Variants in PDE4D observed in about 807,000 individuals in gnomAD.
PDE4D encodes phosphodiesterase 4D, also known as 3',5'-cyclic-AMP phosphodiesterase 4D.
Under a neutral mutation model 87.4 loss-of-function variants are expected in PDE4D, and 24 were observed. The observed-to-expected ratio is 0.27, with a 90% CI of 0.20 to 0.39. The LOEUF (loss-of-function observed/expected upper bound fraction) is 0.39, where lower values mean the gene tolerates loss of function less well. Ranked by LOEUF, PDE4D falls within the 10% of genes least tolerant of loss-of-function variation. PDE4D has a pLI of 1.00. For synonymous variants in PDE4D, 384 were observed against 383.2 expected (o/e 1.00, Z -0.02); for missense variants, 714 against 1,041.0 (o/e 0.69, Z 4.32).
At chr5:60,345,352 C>T (rs867847550) in intron 1 of PDE4D, among the ~76,000 whole-genome samples, 5 of 151,724 alleles carry the variant, frequency 3.3e-5, no homozygotes, top group East Asian at 1.9e-4. Context: ...ATGTAAATGA[C>T]GAGTTAATGG....
At chr5:60,319,672 C>T (rs1277394503) in intron 1 of PDE4D, among the ~76,000 whole-genome samples, 1 of 152,098 alleles carries the variant, frequency 6.6e-6, no homozygotes, top group African/African-American at 2.4e-5. Context: ...GTGTGGATGT[C>T]CTTTCTGTTT....
At chr5:59,430,652 C>T in intron 1 of PDE4D, 1 of 315,316 alleles carries the variant, frequency 3.2e-6, no homozygotes. Context: ...TCTAACCAGG[C>T]TCATGCTCTG....
chr5:59,243,223 A>T (rs1191744886), intron 1 of PDE4D, among the ~76,000 whole-genome samples: 1 of 152,188 alleles, frequency 6.6e-6, no homozygotes, highest in East Asian at 1.9e-4. Context: ...AGAGGACTCA[A>T]CTTCTGAATT....
At chr5:59,967,400 C>T (rs1412045643) in intron 3 of PDE4D, among the ~76,000 whole-genome samples, 6 of 151,994 alleles carry the variant, frequency 3.9e-5, no homozygotes, top group Non-Finnish European at 8.8e-5. Flanking sequence ...CTACAGGGAA[C>T]TTAAACAAAT....
intron 1 of PDE4D, among the ~76,000 whole-genome samples, chr5:59,484,675 CACT>C (rs1804803343): frequency 6.6e-6 from 1 of 152,146 alleles, no homozygotes; most frequent in Non-Finnish European, 1.5e-5. Context: ...ATTTTAATCT[CACT>C]ACATTTAATT....
At chr5:58,989,956 T>G (rs779358526) in intron 9 of PDE4D, 37 bp from the exon 10 acceptor site, 1 of 1,341,972 alleles carries the variant, frequency 7.5e-7, no homozygotes, top group Non-Finnish European at 1.0e-6. Context: ...TTTTTGTCTT[T>G]ATGTGAAAAA....
chr5:59,835,916 A>C lies in PDE4D; in HGVS notation c.455+57252T>G, dbSNP rs150974097. ...TTATTAATATAATTTGGTAGTGCCCAAAAAACTGGAGCCTGACCGTCTGGG... is the reference window on the plus strand; with the variant it reads ...TTATTAATATAATTTGGTAGTGCCCCAAAAACTGGAGCCTGACCGTCTGGG... On this transcript the variant is annotated intron_variant, in intron 1 of 14. Transcript: ENST00000340635. Among the ~76,000 whole-genome samples, 101 of 152,144 alleles carry C rather than the reference A, an allele frequency of 6.6e-4. 1 individual carries two copies. The highest frequency in any genetic ancestry group is 2.3e-3 in the African/African-American group (95 of 41,550).
chr5:59,042,417 T>C (rs1759834043), intron 5 of PDE4D, among the ~76,000 whole-genome samples: 1 of 152,144 alleles, frequency 6.6e-6, no homozygotes, highest in Non-Finnish European at 1.5e-5. Context: ...TGTCGACAGC[T>C]AGCAGGACAA....
chr5:59,766,560 T>C (rs1762820624), intron 1 of PDE4D, among the ~76,000 whole-genome samples: 1 of 152,210 alleles, frequency 6.6e-6, no homozygotes, highest in Non-Finnish European at 1.5e-5. Flanking sequence ...ATCAAACAGC[T>C]GAGTTGAGGG....
intron 1 of PDE4D, among the ~76,000 whole-genome samples, chr5:59,333,693 T>C (rs982568723): frequency 1.3e-5 from 2 of 152,168 alleles, no homozygotes; most frequent in African/African-American, 4.8e-5. Context: ...TCATTTTTTA[T>C]GGAGAGATTT....
At chr5:59,768,402 G>A (rs553404995) in intron 1 of PDE4D, 1 of 1,598,386 alleles carries the variant, frequency 6.3e-7, no homozygotes, top group South Asian at 1.1e-5. Flanking sequence ...GCTGCAACAG[G>A]TTTTCTCGCA....
chr5:60,434,205 A>C (rs1323793681), intron 1 of PDE4D, among the ~76,000 whole-genome samples: 1 of 152,196 alleles, frequency 6.6e-6, no homozygotes, highest in African/African-American at 2.4e-5. Context: ...CAAGAGGTTA[A>C]GGCTTAAAAA....
intron 1 of PDE4D, among the ~76,000 whole-genome samples, chr5:59,575,611 A>C (rs1267133157): frequency 6.6e-6 from 1 of 152,164 alleles, no homozygotes; most frequent in African/African-American, 2.4e-5. Flanking sequence ...CAAGATGACA[A>C]TTTTTATAGA....
At chr5:59,688,270 T>C (rs936691030) in intron 1 of PDE4D, among the ~76,000 whole-genome samples, 3 of 152,218 alleles carry the variant, frequency 2.0e-5, no homozygotes, top group Admixed American at 1.3e-4. Flanking sequence ...ATATACATTC[T>C]TCTCAACATC....
chr5:59,813,405 A>G (rs1354748263), intron 1 of PDE4D, among the ~76,000 whole-genome samples: 1 of 150,620 alleles, frequency 6.6e-6, no homozygotes, highest in Non-Finnish European at 1.5e-5. Flanking sequence ...CTCTCCACCT[A>G]ATTTCTTTTT....
chr5:60,032,933 T>C (rs1004120737), intron 2 of PDE4D: 26 of 152,162 alleles, frequency 1.7e-4, no homozygotes, highest in African/African-American at 6.3e-4. Context: ...CTTTATTTCT[T>C]TGAAGTTAGG....
At chr5:59,543,417 G>T (rs1187432849) in intron 1 of PDE4D, among the ~76,000 whole-genome samples, 1 of 152,148 alleles carries the variant, frequency 6.6e-6, no homozygotes, top group Non-Finnish European at 1.5e-5. Flanking sequence ...TCAAGGTCAT[G>T]GTGGTTTCTT....
At chr5:59,969,786 G>A (rs1760494575) in intron 3 of PDE4D, among the ~76,000 whole-genome samples, 1 of 152,094 alleles carries the variant, frequency 6.6e-6, no homozygotes, top group Admixed American at 6.5e-5. Flanking sequence ...CGTGAAGAAG[G>A]GTTTGCTTCC....
At position 59,445,645 on chromosome 5, in the gene PDE4D, C is replaced by T. The variant is rs371912922; in HGVS notation, c.456-229677G>A. 8.1e-4 allele frequency among the ~76,000 whole-genome samples: 123 copies of T among 152,186 alleles called. 4 individuals are homozygous for T. The South Asian group carries it at 0.024, about 30-fold the overall frequency. On this transcript the variant is annotated intron_variant, in intron 1 of 14. Transcript: ENST00000340635. ...GAATGTAGCCTTTTTGAGTAGTTTC[C>T]GGCAACTTGTAAGCATAGTTTAAAT... is the stretch of plus-strand genomic sequence containing the variant.
Sources: allele counts gnomAD v4.1 joint callset (sites outside exome capture counted in the v4.1 genomes callset), GRCh38; gene constraint gnomAD v4.1.1; transcripts MANE v1.5; gene names NCBI Gene and HGNC (gene_info 2026-07-23, HGNC 2026-07-21).